The following LIPA variants were observed in gnomAD, a reference collection of about 807,000 sequenced individuals.
LIPA encodes the protein lysosomal acid lipase/cholesteryl ester hydrolase.
In LIPA, 26 loss-of-function variants were observed where a neutral mutation model predicts 40.6. The ratio of observed to expected loss-of-function variants is 0.64; its 90% confidence interval spans 0.47 to 0.89. The LOEUF is 0.89. Among genes scored for constraint, LIPA ranks in the 40% least tolerant of loss-of-function variants. The probability of loss-of-function intolerance (pLI) is 0.00; values close to 1 mark genes in which losing one functional copy is unlikely to be tolerated. For missense variants in LIPA, 455 were observed against 479.6 expected, an observed-to-expected ratio of 0.95 and a Z score of 0.48; for synonymous variants, 188 against 168.4, an observed-to-expected ratio of 1.12 and a Z score of -0.90.
At chr10:89,408,877 T>G (rs1289316666) in intron 2 of LIPA, among the ~76,000 whole-genome samples, 1 of 152,306 alleles carries the variant, frequency 6.6e-6, no homozygotes, top group South Asian at 2.1e-4. Context: ...TCCTTACTGG[T>G]CAGCAAGCCA....
chr10:89,401,274 G>A (rs1423295217), intron 2 of LIPA, among the ~76,000 whole-genome samples: 2 of 151,794 alleles, frequency 1.3e-5, no homozygotes, highest in African/African-American at 2.4e-5. Context: ...GCACCACCAT[G>A]CCCACCTAAT....
In LIPA at chr10:89,384,725, A is replaced by C. The variant is rs138308457; in HGVS notation, c.61+28066T>G. ...GCTCTGAGGCTGGCTGCTGACCTGA[A>C]CCCTATATTTTAACATAGAGGTCAC... On this transcript the variant is annotated intron_variant, in intron 2 of 8. Transcript: ENST00000371837. 43 of 1,607,018 alleles carry C rather than the reference A, an allele frequency of 2.7e-5. No individual in the cohort carries two copies. In the African/African-American group the frequency reaches 5.4e-4, roughly 20 times the overall value.
At chr10:89,306,536 G>T (rs144300435) in intron 1 of LIPA, 13 of 1,614,050 alleles carry the variant, frequency 8.1e-6, no homozygotes, top group Non-Finnish European at 1.1e-5. Flanking sequence ...ATCTCAGAAC[G>T]CCATTGACCC....
At chr10:89,289,199 A>T (rs1470242104) in intron 1 of LIPA, among the ~76,000 whole-genome samples, 1 of 152,192 alleles carries the variant, frequency 6.6e-6, no homozygotes, top group Non-Finnish European at 1.5e-5. Context: ...ACCAAGGAAA[A>T]TATCTCCTTC....
intron 1 of LIPA, chr10:89,328,111 T>C: frequency 4.4e-6 from 7 of 1,608,410 alleles, no homozygotes; most frequent in Non-Finnish European, 6.0e-6. Flanking sequence ...ATCATGCTTG[T>C]TTTTGAGTGC....
chr10:89,261,276 G>A lies in LIPA; in HGVS notation c.-1-13627C>T, dbSNP rs539862952. ...GGTGTTCTAGAAATTTGAATTAGTA[G>A]TCAACAGTTAAAAATCAGAAGAGCT... On this transcript the variant is annotated intron_variant, in intron 1 of 5. Coordinates refer to the LIPA transcript ENST00000282673. Among the ~76,000 whole-genome samples the A allele has an allele frequency of 4.4e-4, 67 of 152,304 alleles. 2 individuals carry two copies. The South Asian group carries it at 0.013, about 31-fold the overall frequency.
At chr10:89,247,170 A>G (rs1305927426) in intron 2 of LIPA, among the ~76,000 whole-genome samples, 4 of 152,014 alleles carry the variant, frequency 2.6e-5, no homozygotes, top group Non-Finnish European at 5.9e-5. Context: ...CAGGAGTTCA[A>G]GACCACCCTG....
At chr10:89,302,890 G>C (rs968284336) in intron 1 of LIPA, among the ~76,000 whole-genome samples, 1 of 151,916 alleles carries the variant, frequency 6.6e-6, no homozygotes, top group Non-Finnish European at 1.5e-5. Flanking sequence ...CTGGAATCCC[G>C]TGTTACCAAC....
intron 2 of LIPA, among the ~76,000 whole-genome samples, chr10:89,387,840 T>C (rs1844220870): frequency 6.6e-6 from 1 of 152,224 alleles, no homozygotes; most frequent in Non-Finnish European, 1.5e-5. Flanking sequence ...ATGTTAACTG[T>C]AGAATCTAGT....
rs540020469 is a variant in LIPA at position 89,244,092 on chromosome 10, C to T, written c.229+1584G>A. Reference sequence around the variant, plus strand: ...TAAAAGCTCTCACTATAACTCATCACTCATTTTATAACATATTTATAAAAA... The same window carrying T: ...TAAAAGCTCTCACTATAACTCATCATTCATTTTATAACATATTTATAAAAA... On this transcript the variant is annotated intron_variant, in intron 3 of 9. Transcript: ENST00000336233. Among the ~76,000 whole-genome samples the T allele has an allele frequency of 2.8e-4, 42 of 152,148 alleles. 1 individual carries two copies. The highest frequency in any genetic ancestry group is 2.2e-3 in the Admixed American group (34 of 15,286).
At chr10:89,392,488 G>A in intron 2 of LIPA, 3 of 200,112 alleles carry the variant, frequency 1.5e-5, no homozygotes, top group Non-Finnish European at 2.6e-5. Context: ...CCCGTCAGCA[G>A]GAATTCCGCT....
intron 3 of LIPA, among the ~76,000 whole-genome samples, chr10:89,242,116 A>C (rs1206973681): frequency 6.6e-6 from 1 of 152,198 alleles, no homozygotes; most frequent in Non-Finnish European, 1.5e-5. Flanking sequence ...CTCCAGTGCT[A>C]ACTCCCCATG....
intron 1 of LIPA, among the ~76,000 whole-genome samples, chr10:89,264,884 T>C (rs905517383): frequency 2.6e-5 from 4 of 152,218 alleles, no homozygotes; most frequent in Admixed American, 2.6e-4. Flanking sequence ...GCCTATCTGC[T>C]TCCTGCTGCC....
intron 2 of LIPA, chr10:89,383,211 G>C: frequency 1.0e-6 from 1 of 956,738 alleles, no homozygotes; most frequent in Non-Finnish European, 1.6e-6. Flanking sequence ...AGATAATGGA[G>C]GCAGGGAAAT....
intron 2 of LIPA, among the ~76,000 whole-genome samples, chr10:89,366,435 T>C (rs546170049): frequency 1.9e-4 from 29 of 152,336 alleles, no homozygotes; most frequent in South Asian, 8.3e-4. Context: ...TGAATATCCT[T>C]TATTTCTTTC....
intron 3 of LIPA, among the ~76,000 whole-genome samples, chr10:89,234,441 C>T (rs1842880203): frequency 6.6e-6 from 1 of 152,234 alleles, no homozygotes. Context: ...CTAGAGATGG[C>T]AGTTCCATTA....
intron 2 of LIPA, chr10:89,402,611 A>G (rs1844447635): frequency 6.2e-7 from 1 of 1,614,244 alleles, no homozygotes. Flanking sequence ...GCAGACTGGC[A>G]GAAGCCCAGA....
In LIPA at chr10:89,215,923, G is replaced by T. The variant is rs1162756419; in HGVS notation, c.966+15C>A. On this transcript the variant is annotated intron_variant, in intron 9 of 9. Transcript: ENST00000336233. ...TTTTCAGGGCCCCCTTTAATGAAAA[G>T]ACTAAAAACTTTACCTGGTTGTAAT... The T allele has an allele frequency of 6.4e-7, 1 of 1,567,996 alleles. No individual in the cohort carries two copies. Among genetic ancestry groups the T allele is most frequent in the Admixed American group, 1.7e-5 (1 of 59,964 alleles).
chr10:89,358,068 A>G (rs1843997989), intron 2 of LIPA, among the ~76,000 whole-genome samples: 1 of 152,198 alleles, frequency 6.6e-6, no homozygotes, highest in Non-Finnish European at 1.5e-5. Flanking sequence ...TCTCAGATGC[A>G]TCTTCCACCA....
Sources: allele counts gnomAD v4.1 joint callset (sites outside exome capture counted in the v4.1 genomes callset), GRCh38; gene constraint gnomAD v4.1.1; transcripts MANE v1.5; gene names NCBI Gene and HGNC (gene_info 2026-07-23, HGNC 2026-07-21).